Variants in TEX54 observed in about 807,000 individuals in gnomAD.
TEX54 encodes testis-expressed protein 54.
For synonymous variants in TEX54, 17 were observed against 7.0 expected (o/e 2.42, Z -2.24); for missense variants, 58 against 19.6 (o/e 2.96, Z -3.70).
upstream of TEX54, chr11:62,832,817 T>TG: frequency 8.8e-7 from 1 of 1,136,272 alleles, no homozygotes. Flanking sequence ...CCGGCTTTTG[T>TG]GACATCAGAT....
At chr11:62,832,378 A>G in exon 1 of TEX54, 1 of 484,074 alleles carries the variant, frequency 2.1e-6, no homozygotes, top group Non-Finnish European at 3.6e-6. Context: ...GTCTGGGGTC[A>G]TCCCTTCTCC....
exon 1 of TEX54, chr11:62,832,544 A>G (rs1386787622): frequency 6.9e-6 from 3 of 434,426 alleles, no homozygotes; most frequent in East Asian, 3.5e-5. Context: ...TGTGATTCGG[A>G]TGGTCCGGGG....
chr11:62,832,614 C>T (rs769712660), exon 1 of TEX54: 6 of 446,996 alleles, frequency 1.3e-5, no homozygotes, highest in Non-Finnish European at 2.0e-5. Context: ...CTCACCCCTA[C>T]CCTCGGGAAG....
upstream of TEX54, chr11:62,832,837 CCCCA>C (rs2084890906): frequency 7.9e-7 from 1 of 1,266,078 alleles, no homozygotes; most frequent in Non-Finnish European, 1.1e-6. Context: ...TATCCCGTCG[CCCCA>C]GCTCAGGCAG....
Position 62,832,662 on chromosome 11 carries a change from G to C in TEX54, c.89C>G (p.Thr30Arg). The C allele has an allele frequency of 8.4e-6, 4 of 476,432 alleles. No homozygotes were observed. In the South Asian group the frequency reaches 1.6e-4, roughly 20 times the overall value. The allele number at this position is 476,432 out of a possible 1,614,324, so 29.5% of individuals were successfully genotyped here. The change falls in exon 1 of 1, where the codon ACA becomes AGA. Residue 30 changes from threonine (T) to arginine (R), a missense_variant. Transcript: ENST00000636508. ...CTCCCTGGGCCCTCTTTGTGTGTCTGTGGTCTCATCTTCCCTGCCGTCCTC... is the reference window on the plus strand; with the variant it reads ...CTCCCTGGGCCCTCTTTGTGTGTCTCTGGTCTCATCTTCCCTGCCGTCCTC...
the TEX54 span, chr11:62,832,407 T>TA: frequency 4.2e-6 from 2 of 477,156 alleles, no homozygotes; most frequent in Non-Finnish European, 7.4e-6. Context: ...CTGGTTGCCT[T>TA]CTCGGATCGG....
chr11:62,832,565 GAT>G, the TEX54 span: 2 of 434,670 alleles, frequency 4.6e-6, no homozygotes, highest in South Asian at 6.4e-5. Context: ...AGTTCAAGTC[GAT>G]ATCTTCGGCG....
chr11:62,832,551 G>A, exon 1 of TEX54: 1 of 439,474 alleles, frequency 2.3e-6, no homozygotes, highest in Admixed American at 4.0e-5. Context: ...CGGATGGTCC[G>A]GGGAGTTCAA....
At position 62,832,323 on chromosome 11, in the gene TEX54, C is replaced by T. The variant is rs868708576; in HGVS notation, c.*53G>A. On this transcript the variant is annotated 3_prime_UTR_variant, in exon 1 of 1. Coordinates refer to ENST00000636508, the Ensembl canonical transcript of TEX54. ...CCCCCAGAGTGGTCGTGCAGGTATA[C>T]GTTAGAAATTTTATTCTCTGGAGGT... is the stretch of plus-strand genomic sequence containing the variant. 4.7e-5 allele frequency: 27 copies of T among 579,300 alleles called. No individual in the cohort carries two copies. In the South Asian group the frequency reaches 4.7e-4, roughly 10 times the overall value. 35.9% of individuals were successfully genotyped at this position (579,300 alleles called of 1,614,324 possible). A position where few individuals can be genotyped will look rare whatever the true frequency, so the allele number is the denominator to read the frequency against.
At chr11:62,832,321 TAC>T in exon 1 of TEX54, 1 of 580,884 alleles carries the variant, frequency 1.7e-6, no homozygotes, top group Non-Finnish European at 3.1e-6. Flanking sequence ...CGTGCAGGTA[TAC>T]GTTAGAAATT....
Position 62,832,559 on chromosome 11 carries a change from C to G in TEX54, c.192G>C (p.Leu64Phe), listed in dbSNP as rs866883476. ...TGTGATTCGGATGGTCCGGGGAGTT[C>G]AAGTCGATATCTTCGGCGCCTGAGG... The change falls in exon 1 of 1, where the codon TTG becomes TTC. Residue 64 changes from leucine (L) to phenylalanine (F), a missense_variant. Leu to Phe is a conservative substitution (Grantham distance 22). Transcript: ENST00000636508. 1.8e-5 allele frequency: 8 copies of G among 436,904 alleles called. No homozygotes were observed. The South Asian group carries it at 5.0e-4, about 27-fold the overall frequency. 27.1% of individuals were successfully genotyped at this position (436,904 alleles called of 1,614,324 possible).
At chr11:62,832,591 C>T (rs2084886981) in exon 1 of TEX54, 2 of 435,406 alleles carry the variant, frequency 4.6e-6, no homozygotes, top group Admixed American at 7.9e-5. Context: ...GAGGGGACGA[C>T]GAGGCCTCTG....
At chr11:62,832,401 T>C (rs897552596) in exon 1 of TEX54, 2 of 472,042 alleles carry the variant, frequency 4.2e-6, no homozygotes, top group African/African-American at 4.0e-5. Context: ...CTCCTCCTGG[T>C]TGCCTTCTCG....
In TEX54 at chr11:62,832,768, G is replaced by C. The variant is rs574565020; in HGVS notation, c.-18C>G. The stretch of plus-strand genomic sequence containing the variant: ...CAGCCCATGGCCCCGCGTGGCCCTG[G>C]ACTCCGTGCCACCCACGCCAGCCTG... On this transcript the variant is annotated 5_prime_UTR_variant, in exon 1 of 1. Coordinates refer to ENST00000636508, the Ensembl canonical transcript of TEX54. 8.8e-6 allele frequency: 6 copies of C among 678,126 alleles called. No homozygotes were observed. In the East Asian group the frequency reaches 1.4e-4, roughly 16 times the overall value. The allele number at this position is 678,126 out of a possible 1,614,324, so 42.0% of individuals were successfully genotyped here.
chr11:62,832,807 C>T, upstream of TEX54: 1 of 1,060,074 alleles, frequency 9.4e-7, no homozygotes, highest in Non-Finnish European at 1.3e-6. Flanking sequence ...GCCTCCAGGC[C>T]CGGCTTTTGT....
chr11:62,832,378 A>C (rs2084884037), exon 1 of TEX54: 1 of 484,074 alleles, frequency 2.1e-6, no homozygotes. Context: ...GTCTGGGGTC[A>C]TCCCTTCTCC....
exon 1 of TEX54, chr11:62,832,601 G>T (rs1565219343): frequency 2.3e-6 from 1 of 443,724 alleles, no homozygotes; most frequent in Non-Finnish European, 4.0e-6. Flanking sequence ...CGAGGCCTCT[G>T]AGCTCACCCC....
exon 1 of TEX54, chr11:62,832,427 C>T: frequency 2.1e-6 from 1 of 471,830 alleles, no homozygotes; most frequent in Non-Finnish European, 3.7e-6. Context: ...GACTCTCCTG[C>T]TTCCGAATCT....
At chr11:62,832,516 G>T (rs1473240788) in exon 1 of TEX54, 1 of 436,684 alleles carries the variant, frequency 2.3e-6, no homozygotes, top group Admixed American at 3.9e-5. Context: ...ACGGTAATCA[G>T]AAGGCTTTCG....
Sources: allele counts gnomAD v4.1 joint callset, GRCh38; gene constraint gnomAD v4.1.1; transcripts MANE v1.5; gene names NCBI Gene and HGNC (gene_info 2026-07-23, HGNC 2026-07-21).